TCP11: variants seen among roughly 807,000 people sequenced by gnomAD.
TCP11 encodes the protein T-complex protein 11 homolog.
A neutral mutation model predicts 45.0 loss-of-function variants in TCP11; 34 were observed. The ratio of observed to expected loss-of-function variants is 0.76; its 90% confidence interval spans 0.57 to 1.01. The LOEUF (loss-of-function observed/expected upper bound fraction) is 1.01. TCP11 is among the 50% of genes least tolerant of loss of function. The pLI is 0.00. For missense variants in TCP11, 523 were observed against 598.1 expected, an observed-to-expected ratio of 0.87 and a Z score of 1.31; for synonymous variants, 227 against 227.0, an observed-to-expected ratio of 1.00 and a Z score of 0.00.
intron 3 of TCP11, among the ~76,000 whole-genome samples, chr6:35,133,562 C>T (rs1056633643): frequency 8.6e-5 from 13 of 152,040 alleles, no homozygotes; most frequent in South Asian, 4.1e-4. Context: ...GAGGCCAAGG[C>T]GGGTGGATCA....
At chr6:35,138,530 A>C (rs929417963) in intron 2 of TCP11, among the ~76,000 whole-genome samples, 8 of 151,742 alleles carry the variant, frequency 5.3e-5, no homozygotes, top group African/African-American at 1.9e-4. Flanking sequence ...AAAAATTAAA[A>C]CAATTGAACT....
intron 3 of TCP11, among the ~76,000 whole-genome samples, chr6:35,134,121 T>A (rs147475959): frequency 6.6e-6 from 1 of 152,124 alleles, no homozygotes; most frequent in East Asian, 1.9e-4. Context: ...GCTGACAAGA[T>A]AACCCCAAAG....
intron 3 of TCP11, among the ~76,000 whole-genome samples, chr6:35,134,642 T>C (rs560129838): frequency 6.6e-6 from 1 of 152,320 alleles, no homozygotes; most frequent in East Asian, 1.9e-4. Context: ...GCTATGTAAG[T>C]AGTTGTTATA....
chr6:35,140,376 GT>G lies in TCP11; in HGVS notation c.124+370del. On this transcript the variant is annotated intron_variant, in intron 2 of 9. Coordinates refer to ENST00000311875, the MANE Select transcript of TCP11 (RefSeq NM_001370687.1). ...GGCCCAGGACACTACTATTTCTTGA[GT>G]TAGCAAAGCGCTGAGAAAACCCAAT... 7 of 572,142 alleles carry G rather than the reference GT, an allele frequency of 1.2e-5. No individual in the cohort carries two copies. The South Asian group carries it at 1.2e-4, about 10-fold the overall frequency. The allele number at this position is 572,142 out of a possible 1,614,324, so 35.4% of individuals were successfully genotyped here. A position where few individuals can be genotyped will look rare whatever the true frequency, so the allele number is the denominator to read the frequency against.
At chr6:35,137,284 G>A (rs994098511) in intron 2 of TCP11, among the ~76,000 whole-genome samples, 4 of 116,410 alleles carry the variant, frequency 3.4e-5, no homozygotes, top group Admixed American at 1.9e-4. Flanking sequence ...CTTCTAAAGC[G>A]GTAGTTCTCA....
rs774471185 is a variant in TCP11 at position 35,140,763 on chromosome 6, G to A, written c.108C>T (p.Ser36=). Residue 36 remains serine (S), a synonymous_variant, in exon 2 of 10, where the codon TCC becomes TCT. Transcript: ENST00000311875. ...SGPPQEDKSG[S]EDPPPFLSVT... is the part of the protein sequence containing the mutation. Reference sequence around the variant, plus strand: ...TGGACCTACAGGGAGGGGGGTCCTCGGAGCCGCTCTTGTCTTCCTGGGGGG... The same window carrying A: ...TGGACCTACAGGGAGGGGGGTCCTCAGAGCCGCTCTTGTCTTCCTGGGGGG... 1.3e-6 allele frequency: 2 copies of A among 1,529,274 alleles called. No individual in the cohort carries two copies. Among genetic ancestry groups the A allele is most frequent in the African/African-American group, 1.4e-5 (1 of 71,846 alleles). 94.7% of individuals were successfully genotyped at this position (1,529,274 alleles called of 1,614,324 possible). A position where few individuals can be genotyped will look rare whatever the true frequency, so the allele number is the denominator to read the frequency against.
chr6:35,131,978 C>A (rs1370603794), intron 3 of TCP11, among the ~76,000 whole-genome samples: 1 of 152,220 alleles, frequency 6.6e-6, no homozygotes, highest in Non-Finnish European at 1.5e-5. Context: ...GTTTTCCACA[C>A]TGCCACCAAT....
chr6:35,123,488 TA>T (rs1167242470), intron 4 of TCP11, among the ~76,000 whole-genome samples: 1 of 151,992 alleles, frequency 6.6e-6, no homozygotes, highest in African/African-American at 2.4e-5. Flanking sequence ...CCTTTTATAA[TA>T]TTTTTTTTCT....
chr6:35,139,850 T>A (rs1192302616), intron 2 of TCP11, among the ~76,000 whole-genome samples: 3 of 152,208 alleles, frequency 2.0e-5, no homozygotes, highest in Admixed American at 2.0e-4. Flanking sequence ...GACAAAGACA[T>A]TTTCAAGTAA....
Position 35,136,238 on chromosome 6 carries a change from A to G in TCP11, c.125-20T>C, listed in dbSNP as rs564020275. ...AAAGAACTGATGGTGGACAACAATG[A>G]GCCCATGCAAGTCTGAATTTCTATT... On this transcript the variant is annotated intron_variant, in intron 2 of 9. Transcript: ENST00000311875. 1.3e-5 allele frequency: 20 copies of G among 1,581,358 alleles called. No individual in the cohort carries two copies. The South Asian group carries it at 2.2e-4, about 18-fold the overall frequency.
rs1432227393 is a variant in TCP11, at chr6:35,120,907, A to T, written c.715+2T>A. 4.3e-6 allele frequency: 7 copies of T among 1,613,136 alleles called. No individual in the cohort carries two copies. The highest frequency in any genetic ancestry group is 5.9e-6 in the Non-Finnish European group (7 of 1,179,602). Reference sequence around the variant, plus strand: ...ACTCCTGCCCTCACATTATATACATACTAGGCTGCTTATTGAGGAGTTCCT... The same window carrying T: ...ACTCCTGCCCTCACATTATATACATTCTAGGCTGCTTATTGAGGAGTTCCT... On this transcript the variant is annotated splice_donor_variant, in intron 6 of 9. Coordinates refer to ENST00000311875, the MANE Select transcript of TCP11 (RefSeq NM_001370687.1). LOFTEE classifies it high-confidence loss of function. The surrounding 1 kb of genome is among the most constrained non-coding windows in gnomAD (Gnocchi z 4.9).
Position 35,140,879 on chromosome 6 carries a change from T to C in TCP11, c.-9A>G. The stretch of plus-strand genomic sequence containing the variant: ...TCCTTGACGTCTGGCATTTTGCTGA[T>C]GGTATCTGGGTGAGGGAGAAAGGCG... On this transcript the variant is annotated 5_prime_UTR_variant, in exon 2 of 10. Transcript: ENST00000311875. 6.4e-7 allele frequency: 1 copy of C among 1,565,056 alleles called. No individual in the cohort carries two copies. The highest frequency in any genetic ancestry group is 8.6e-7 in the Non-Finnish European group (1 of 1,158,826).
At chr6:35,122,790 A>T (rs903341546) in intron 4 of TCP11, among the ~76,000 whole-genome samples, 1 of 152,030 alleles carries the variant, frequency 6.6e-6, no homozygotes, top group Non-Finnish European at 1.5e-5. Context: ...GTAAACAGGG[A>T]CTCTTATTCA....
chr6:35,135,147 C>CA (rs34456748), intron 3 of TCP11, among the ~76,000 whole-genome samples: 79 of 131,028 alleles, frequency 6.0e-4, no homozygotes, highest in Admixed American at 2.9e-3. Context: ...AACTCCATCT[C>CA]AAAAAAAAAA....
Position 35,118,304 on chromosome 6 carries a change from C to A in TCP11, c.1477G>T (p.Ala493Ser). 1.2e-6 allele frequency: 2 copies of A among 1,614,126 alleles called. No individual in the cohort carries two copies. Among genetic ancestry groups the A allele is most frequent in the Non-Finnish European group, 1.7e-6 (2 of 1,180,016 alleles). The change falls in exon 10 of 10, where the codon GCC (alanine) becomes TCC (serine). Residue 493 changes from alanine to serine, a missense_variant. Physicochemically the swap from Ala to Ser is moderately conservative, Grantham distance 99. Coordinates refer to ENST00000311875, the MANE Select transcript of TCP11 (RefSeq NM_001370687.1). ...TEILKTLISP[A>S]QALETKVESV ...TCCACTTTTGTTTCCAGTGCCTGGG[C>A]TGGGGAAATGAGGGTTTTTAGGATC... is the stretch of plus-strand genomic sequence containing the variant.
Position 35,140,750 on chromosome 6 carries a change from G to A in TCP11, c.121C>T (p.Pro41Ser). ...GGGACTGCCGAGCTGGACCTACAGGGAGGGGGGTCCTCGGAGCCGCTCTTG... is the reference window on the plus strand; with the variant it reads ...GGGACTGCCGAGCTGGACCTACAGGAAGGGGGGTCCTCGGAGCCGCTCTTG... ...EDKSGSEDPPPFLSVTGLTET... is the reference protein window; with the variant it reads ...EDKSGSEDPPSFLSVTGLTET... Residue 41 changes from proline (P) to serine (S), a missense_variant, in exon 2 of 10, where the codon CCC (proline) becomes TCC (serine). Transcript: ENST00000311875. 6 of 1,527,496 alleles carry A rather than the reference G, an allele frequency of 3.9e-6. No individual in the cohort carries two copies. The highest frequency in any genetic ancestry group is 5.3e-6 in the Non-Finnish European group (6 of 1,141,998). The allele number at this position is 1,527,496 out of a possible 1,614,324, so 94.6% of individuals were successfully genotyped here.
At chr6:35,122,635 C>A (rs1390607734) in intron 4 of TCP11, among the ~76,000 whole-genome samples, 1 of 151,802 alleles carries the variant, frequency 6.6e-6, no homozygotes, top group African/African-American at 2.4e-5. Flanking sequence ...TATAAAATAC[C>A]CACCATCACA....
chr6:35,140,486 A>G, intron 2 of TCP11: 1 of 607,764 alleles, frequency 1.6e-6, no homozygotes, highest in East Asian at 3.6e-5. Context: ...ATACAATACA[A>G]AGGAGGGCTT....
chr6:35,135,539 A>G (rs1780977384), intron 3 of TCP11, among the ~76,000 whole-genome samples: 1 of 151,296 alleles, frequency 6.6e-6, no homozygotes, highest in Non-Finnish European at 1.5e-5. Context: ...TAATCCCAGC[A>G]CTTTGGGAAG....
Sources: gnomAD v4.1 joint callset for allele counts (sites outside exome capture counted in the v4.1 genomes callset) on GRCh38, gnomAD v4.1.1 for gene constraint, Gnocchi (gnomAD v3.1) non-coding constraint, MANE v1.5 for transcripts, NCBI Gene and HGNC (gene_info 2026-07-23, HGNC 2026-07-21) for gene names.